DRD2: variants seen among roughly 807,000 people sequenced by gnomAD.
DRD2 encodes the protein dopamine receptor D2, also known as D(2) dopamine receptor.
Under a neutral mutation model 38.0 loss-of-function variants are expected in DRD2, and 8 were observed. The observed-to-expected ratio is 0.21, with a 90% CI of 0.12 to 0.38. DRD2 has a LOEUF of 0.38. Ranked by LOEUF, DRD2 falls within the 10% of genes least tolerant of loss-of-function variation. The pLI, the probability that DRD2 is intolerant of heterozygous loss-of-function variation, is 1.00. For synonymous variants in DRD2, 230 were observed against 238.6 expected (o/e 0.96, Z 0.33); for missense variants, 403 against 607.7 (o/e 0.66, Z 3.54).
At chr11:113,448,617 G>T (rs920414432) in intron 1 of DRD2, among the ~76,000 whole-genome samples, 3 of 152,232 alleles carry the variant, frequency 2.0e-5, no homozygotes, top group Admixed American at 1.3e-4. Flanking sequence ...CAGAGCCAGA[G>T]GGCCTGGTGT....
At chr11:113,412,412 T>C (rs920073651) in intron 7 of DRD2, 144 bp downstream of exon 7, 2 of 999,560 alleles carry the variant, frequency 2.0e-6, no homozygotes, top group African/African-American at 1.6e-5. Flanking sequence ...ATCTACCTAA[T>C]AGGGCTGTCT....
intron 1 of DRD2, among the ~76,000 whole-genome samples, chr11:113,452,437 T>TGTGTGC (rs551534872): frequency 1.3e-4 from 7 of 53,108 alleles, no homozygotes; most frequent in African/African-American, 4.1e-4. Flanking sequence ...TGTGCATGCG[T>TGTGTGC]GTGTGTGTGT....
At chr11:113,464,648 G>GTTCC (rs1565679815) in intron 1 of DRD2, among the ~76,000 whole-genome samples, 3 of 152,336 alleles carry the variant, frequency 2.0e-5, no homozygotes, top group South Asian at 4.1e-4. Flanking sequence ...CGCCAGGGGT[G>GTTCC]TTCCTCTCTG....
intron 2 of DRD2, among the ~76,000 whole-genome samples, chr11:113,421,547 G>T (rs1421597402): frequency 1.3e-5 from 2 of 152,144 alleles, no homozygotes; most frequent in Admixed American, 6.6e-5. Context: ...ATAGCATCTA[G>T]ATGGAAAGGA....
chr11:113,426,355 G>T (rs1950941719), intron 1 of DRD2, among the ~76,000 whole-genome samples: 1 of 152,160 alleles, frequency 6.6e-6, no homozygotes, highest in Admixed American at 6.5e-5. Flanking sequence ...GACAGCCGGA[G>T]TTTTGGTTGT....
rs575473497 is a variant in DRD2 at position 113,454,142 on chromosome 11, A to T, written c.-32+20934T>A. Among the ~76,000 whole-genome samples, 11 of 152,278 alleles carry T rather than the reference A, an allele frequency of 7.2e-5. No homozygotes were observed. The South Asian group carries it at 2.3e-3, about 32-fold the overall frequency. ...ACAGTTTGAGTCTTTACACAATAAA[A>T]TCATTAAATGCTTCAAATTAGAGCA... On this transcript the variant is annotated intron_variant, in intron 1 of 7. Transcript: ENST00000362072.
At chr11:113,432,756 C>A (rs7117847) in intron 1 of DRD2, among the ~76,000 whole-genome samples, 2,146 of 152,322 alleles carry the variant, frequency 0.014, 54 homozygotes, top group African/African-American at 0.049. Flanking sequence ...CCTGCCCCTA[C>A]CCCTCCAGGC....
chr11:113,447,614 A>C (rs535191294), intron 1 of DRD2: 1 of 152,396 alleles, frequency 6.6e-6, no homozygotes, highest in Non-Finnish European at 1.5e-5. Flanking sequence ...GGTGGGCAAC[A>C]GAGAAGGCAG....
chr11:113,450,809 A>C (rs1951203755), intron 1 of DRD2, among the ~76,000 whole-genome samples: 2 of 152,138 alleles, frequency 1.3e-5, no homozygotes, highest in Admixed American at 6.5e-5. Context: ...CCCTGCCAAA[A>C]ATTTACATTG....
chr11:113,423,026 C>T (rs923410880), intron 2 of DRD2, among the ~76,000 whole-genome samples: 1 of 152,160 alleles, frequency 6.6e-6, no homozygotes, highest in Non-Finnish European at 1.5e-5. Flanking sequence ...TCCCATGCAC[C>T]TAGACTCCCA....
chr11:113,414,564 G>A, intron 5 of DRD2, 103 bp from the exon 6 acceptor site: 1 of 1,250,876 alleles, frequency 8.0e-7, no homozygotes, highest in East Asian at 2.3e-5. Flanking sequence ...GGGCAGAAGG[G>A]CTCAGAGATC....
At chr11:113,444,129 G>A (rs1195273209) in intron 1 of DRD2, among the ~76,000 whole-genome samples, 5 of 152,098 alleles carry the variant, frequency 3.3e-5, no homozygotes, top group South Asian at 2.1e-4. Context: ...TCCGCCTCCC[G>A]GGTTCAAGCG....
rs113184960 is a variant in DRD2, at chr11:113,410,137, G to A, written c.*590C>T. The A allele has an allele frequency of 4.8e-3, 870 of 180,950 alleles. 9 individuals carry two copies. The highest frequency in any genetic ancestry group is 0.019 in the African/African-American group (802 of 42,404). 11.2% of individuals were successfully genotyped at this position (180,950 alleles called of 1,614,324 possible). On this transcript the variant is annotated 3_prime_UTR_variant, in exon 8 of 8. Coordinates refer to ENST00000362072, the MANE Select transcript of DRD2 (RefSeq NM_000795.4). ...GGTGAGGTGGGTCCGGACTAGCCTGGAAAGTAGAGGTCCACATCGGGGTGC... is the reference window on the plus strand; with the variant it reads ...GGTGAGGTGGGTCCGGACTAGCCTGAAAAGTAGAGGTCCACATCGGGGTGC...
At chr11:113,425,373 A>G (rs1950929594) in intron 1 of DRD2, among the ~76,000 whole-genome samples, 1 of 152,234 alleles carries the variant, frequency 6.6e-6, no homozygotes, top group Non-Finnish European at 1.5e-5. Flanking sequence ...TATGCAAAGC[A>G]CAGAGGTAGA....
At chr11:113,427,809 C>T (rs1376899595) in intron 1 of DRD2, among the ~76,000 whole-genome samples, 3 of 152,146 alleles carry the variant, frequency 2.0e-5, no homozygotes, top group African/African-American at 4.8e-5. Flanking sequence ...AGTCCTAACC[C>T]CCAGTACCTC....
intron 3 of DRD2, 61 bp from the exon 4 acceptor site, chr11:113,417,060 AT>A (rs1950834748): frequency 6.3e-7 from 1 of 1,594,182 alleles, no homozygotes; most frequent in African/African-American, 1.3e-5. Context: ...ACTCCACAAT[AT>A]GCACACACCA....
intron 1 of DRD2, among the ~76,000 whole-genome samples, chr11:113,473,943 G>A (rs961449000): frequency 1.3e-5 from 2 of 152,246 alleles, no homozygotes; most frequent in Non-Finnish European, 2.9e-5. Context: ...GGAGGAGCAA[G>A]GATTGGCCTA....
rs1036030988 is a variant in DRD2, at chr11:113,468,240, G to C, written c.-32+6836C>G. Among the ~76,000 whole-genome samples the C allele has an allele frequency of 4.6e-5, 7 of 152,224 alleles. No homozygotes were observed. The South Asian group carries it at 1.4e-3, about 32-fold the overall frequency. ...ATGGTCACATAGCTAGTAAGTGTTA[G>C]AGTCAGGATTCAAATCCTGGAAGTC... On this transcript the variant is annotated intron_variant, in intron 1 of 7. Coordinates refer to ENST00000362072, the MANE Select transcript of DRD2 (RefSeq NM_000795.4).
At chr11:113,433,618 C>A (rs1951009328) in intron 1 of DRD2, among the ~76,000 whole-genome samples, 1 of 152,226 alleles carries the variant, frequency 6.6e-6, no homozygotes, top group East Asian at 1.9e-4. Flanking sequence ...GACCGCGCAG[C>A]AGCTCTTGGC....
Sources: gnomAD v4.1 joint callset for allele counts (sites outside exome capture counted in the v4.1 genomes callset) on GRCh38, gnomAD v4.1.1 for gene constraint, MANE v1.5 for transcripts, NCBI Gene and HGNC (gene_info 2026-07-23, HGNC 2026-07-21) for gene names.